FRMD4B: variants seen among roughly 807,000 people sequenced by gnomAD.
FRMD4B encodes FERM domain containing 4B.
FRMD4B carries 74 observed loss-of-function variants against 141.5 expected under a neutral mutation model. The ratio of observed to expected loss-of-function variants is 0.52; its 90% CI spans 0.43 to 0.63. FRMD4B has a LOEUF of 0.63. Among genes scored for constraint, FRMD4B ranks in the 30% least tolerant of loss-of-function variants. FRMD4B has a pLI of 0.00. For synonymous variants in FRMD4B, 506 were observed against 467.9 expected (o/e 1.08, Z -1.05); for missense variants, 1,366 against 1,253.4 (o/e 1.09, Z -1.36).
chr3:69,216,430 T>C (rs1254390155), intron 10 of FRMD4B, 81 bp from the exon 11 acceptor site: 3 of 117,416 alleles, frequency 2.6e-5, no homozygotes, highest in East Asian at 1.8e-4. Context: ...ATTTCACCTC[T>C]TTTTTTTTTT....
intron 7 of FRMD4B, among the ~76,000 whole-genome samples, chr3:69,232,175 C>G (rs1449049890): frequency 6.6e-6 from 1 of 152,118 alleles, no homozygotes; most frequent in Non-Finnish European, 1.5e-5. Flanking sequence ...CATTACTGAC[C>G]CTAATGGCAA....
intron 1 of FRMD4B, among the ~76,000 whole-genome samples, chr3:69,491,558 ACTT>A (rs955340143): frequency 6.6e-6 from 1 of 152,206 alleles, no homozygotes; most frequent in African/African-American, 2.4e-5. Flanking sequence ...TATTTCCTGA[ACTT>A]CTCTTCTGCA....
At chr3:69,367,226 C>A (rs1486534710) in intron 1 of FRMD4B, among the ~76,000 whole-genome samples, 3 of 152,074 alleles carry the variant, frequency 2.0e-5, no homozygotes, top group African/African-American at 7.2e-5. Flanking sequence ...GGACATTTTA[C>A]AAAATTGTAA....
chr3:69,252,581 C>G (rs1176091404), intron 5 of FRMD4B, among the ~76,000 whole-genome samples: 1 of 152,212 alleles, frequency 6.6e-6, no homozygotes, highest in Non-Finnish European at 1.5e-5. Context: ...AGTTCTTTGA[C>G]TCATTCACGG....
At chr3:69,503,547 AG>A (rs1315626183) in intron 1 of FRMD4B, among the ~76,000 whole-genome samples, 1 of 78,504 alleles carries the variant, frequency 1.3e-5, no homozygotes, top group Non-Finnish European at 2.3e-5. Flanking sequence ...GGGTGGGGGG[AG>A]GGGGGAGGGA....
At position 69,254,096 on chromosome 3, in the gene FRMD4B, A is replaced by G. The variant is rs567688305; in HGVS notation, c.502-3997T>C. Among the ~76,000 whole-genome samples, 5 of 152,080 alleles carry G rather than the reference A, an allele frequency of 3.3e-5. No homozygotes were observed. In the South Asian group the frequency reaches 8.3e-4, roughly 25 times the overall value. On this transcript the variant is annotated intron_variant, in intron 5 of 22. Transcript: ENST00000398540. The stretch of plus-strand genomic sequence containing the variant: ...CCCTGTCTCAAAAACAAAAAGTAAA[A>G]AACTCACACCTTTTTTTTTTCTTTT...
In FRMD4B at chr3:69,196,126, T is replaced by C. The variant is rs2107651717; in HGVS notation, c.1234+129A>G. ...TAAAATTTTATTCAAAGCTGTCGCA[T>C]ACATACTTATTGACATACTTATTTA... On this transcript the variant is annotated intron_variant, in intron 14 of 22. Coordinates refer to ENST00000398540, the MANE Select transcript of FRMD4B (RefSeq NM_015123.3). The C allele has an allele frequency of 5.6e-6, 4 of 716,348 alleles. No individual in the cohort carries two copies. In the South Asian group the frequency reaches 8.2e-5, roughly 15 times the overall value. 44.4% of individuals were successfully genotyped at this position (716,348 alleles called of 1,614,324 possible).
At chr3:69,284,501 C>T (rs1424085502) in intron 5 of FRMD4B, among the ~76,000 whole-genome samples, 1 of 152,120 alleles carries the variant, frequency 6.6e-6, no homozygotes, top group Non-Finnish European at 1.5e-5. Context: ...GTGCACTGCT[C>T]TGGGCTAGAC....
intron 1 of FRMD4B, among the ~76,000 whole-genome samples, chr3:69,368,799 A>C (rs528350778): frequency 6.6e-6 from 1 of 152,320 alleles, no homozygotes; most frequent in South Asian, 2.1e-4. Context: ...CTGGGACTAC[A>C]GGTACACACC....
intron 7 of FRMD4B, among the ~76,000 whole-genome samples, chr3:69,235,412 C>A (rs1040942092): frequency 6.6e-6 from 1 of 151,890 alleles, no homozygotes; most frequent in African/African-American, 2.4e-5. Context: ...GTAATCCCAG[C>A]ACTTTGGGAG....
chr3:69,303,841 G>C (rs1472372719), intron 3 of FRMD4B, among the ~76,000 whole-genome samples: 1 of 152,140 alleles, frequency 6.6e-6, no homozygotes, highest in African/African-American at 2.4e-5. Flanking sequence ...GGCTGAAGTG[G>C]GAGGATCACT....
At chr3:69,296,091 A>C (rs972015247) in intron 4 of FRMD4B, among the ~76,000 whole-genome samples, 1 of 152,190 alleles carries the variant, frequency 6.6e-6, no homozygotes, top group African/African-American at 2.4e-5. Context: ...CTGAGATTAC[A>C]AGCATGAGTC....
rs2092576516 is a variant in FRMD4B, at chr3:69,170,607, G to A, written c.*1254C>T. ...AAACTTGTATAAAAGAAGGGGGAAA[G>A]GAGCACCTTTTATGTAATTTTGAAG... On this transcript the variant is annotated 3_prime_UTR_variant, in exon 23 of 23. Coordinates refer to ENST00000398540, the MANE Select transcript of FRMD4B (RefSeq NM_015123.3). 2.6e-5 allele frequency: 4 copies of A among 152,230 alleles called. No individual in the cohort carries two copies. The highest frequency in any genetic ancestry group is 6.8e-3 in the Middle Eastern group (2 of 292). The allele number at this position is 152,230 out of a possible 1,614,324, so 9.4% of individuals were successfully genotyped here.
chr3:69,410,742 T>TTTG (rs1559519840), intron 2 of FRMD4B, among the ~76,000 whole-genome samples: 1 of 15,230 alleles, frequency 6.6e-5, no homozygotes, highest in Non-Finnish European at 1.5e-4. Context: ...TATATATATA[T>TTTG]ATATATATAT....
chr3:69,444,955 C>T (rs780057062), intron 1 of FRMD4B, among the ~76,000 whole-genome samples: 3 of 152,102 alleles, frequency 2.0e-5, no homozygotes, highest in African/African-American at 7.2e-5. Flanking sequence ...TTTAATAATA[C>T]CCTGTAATTT....
chr3:69,261,736 G>A (rs1443582224), intron 5 of FRMD4B, among the ~76,000 whole-genome samples: 5 of 149,424 alleles, frequency 3.3e-5, no homozygotes, highest in South Asian at 2.1e-4. Context: ...GCAGTGGCAC[G>A]ATCTCAGCTC....
chr3:69,318,605 T>C (rs1331746445), intron 1 of FRMD4B, among the ~76,000 whole-genome samples: 1 of 152,192 alleles, frequency 6.6e-6, no homozygotes, highest in Non-Finnish European at 1.5e-5. Flanking sequence ...TGTGGAAAGA[T>C]GGCTCTGCTG....
chr3:69,454,126 C>T (rs1705545313), intron 1 of FRMD4B, among the ~76,000 whole-genome samples: 1 of 152,184 alleles, frequency 6.6e-6, no homozygotes, highest in Admixed American at 6.5e-5. Flanking sequence ...CCAGCGATAA[C>T]AGTAACAATG....
At chr3:69,322,772 ATT>A (rs1247548592) in intron 1 of FRMD4B, among the ~76,000 whole-genome samples, 2 of 151,172 alleles carry the variant, frequency 1.3e-5, no homozygotes, top group Non-Finnish European at 2.9e-5. Flanking sequence ...AACTTTTTCT[ATT>A]TTTTTGTAGA....
Sources: allele counts gnomAD v4.1 joint callset (sites outside exome capture counted in the v4.1 genomes callset), GRCh38; gene constraint gnomAD v4.1.1; transcripts MANE v1.5; gene names NCBI Gene and HGNC (gene_info 2026-07-23, HGNC 2026-07-21).